DNAH17: variants seen among roughly 807,000 people sequenced by gnomAD.
DNAH17 encodes the protein dynein axonemal heavy chain 17, also known as axonemal beta dynein heavy chain 17.
Under a neutral mutation model 485.6 loss-of-function variants are expected in DNAH17, and 376 were observed. The ratio of observed to expected loss-of-function variants is 0.77; its 90% CI spans 0.71 to 0.84. DNAH17 has a LOEUF of 0.84. Among genes scored for constraint, DNAH17 ranks in the 40% least tolerant of loss-of-function variants. DNAH17 has a pLI of 0.00. For missense variants in DNAH17, 6,370 were observed against 5,839.3 expected, an observed-to-expected ratio of 1.09 and a Z score of -2.96; for synonymous variants, 3,031 against 2,405.9, an observed-to-expected ratio of 1.26 and a Z score of -7.60.
intron 48 of DNAH17, 88 bp from the exon 49 acceptor site, chr17:78,480,874 T>C: frequency 1.1e-6 from 1 of 883,554 alleles, no homozygotes; most frequent in Non-Finnish European, 1.8e-6. Flanking sequence ...ATGCCCTCCT[T>C]ATTATTATTT....
intron 19 of DNAH17, among the ~76,000 whole-genome samples, chr17:78,534,246 G>C (rs1422980958): frequency 2.0e-5 from 3 of 152,248 alleles, no homozygotes; most frequent in South Asian, 4.1e-4. Flanking sequence ...CAGCTGCAGA[G>C]AGGCCCCATC....
intron 9 of DNAH17, 80 bp downstream of exon 9, chr17:78,569,086 T>G: frequency 9.1e-7 from 1 of 1,094,810 alleles, no homozygotes; most frequent in South Asian, 1.4e-5. Context: ...GCAAGGGGGG[T>G]AGGGATGGAC....
chr17:78,570,357 C>T lies in DNAH17; in HGVS notation c.934G>A (p.Ala312Thr). Residue 312 changes from alanine (A) to threonine (T), a missense_variant, in exon 7 of 81, where the codon GCC (alanine) becomes ACC (threonine). Transcript: ENST00000389840. Reference protein sequence around the residue: ...ADFTMLPTFIAKVLDTICFIW... With the variant: ...ADFTMLPTFITKVLDTICFIW... Reference sequence around the variant, plus strand: ...AAGCAGATGGTGTCCAGCACCTTGGCAATGAAGGTGGGGAGCTGGGGGGAG... The same window carrying T: ...AAGCAGATGGTGTCCAGCACCTTGGTAATGAAGGTGGGGAGCTGGGGGGAG... 3 of 1,610,588 alleles carry T rather than the reference C, an allele frequency of 1.9e-6. No homozygotes were observed. Among genetic ancestry groups the T allele is most frequent in the Non-Finnish European group, 2.5e-6 (3 of 1,178,770 alleles).
chr17:78,528,469 C>T lies in DNAH17; in HGVS notation c.3507+1003G>A, dbSNP rs932810114. On this transcript the variant is annotated intron_variant, in intron 22 of 80. Transcript: ENST00000389840. ...CAGGGTTTTCCTGTGCTGCCCAGGC[C>T]GGGGCCCCTCCCTCTTGTCACCCCC... is the stretch of plus-strand genomic sequence containing the variant. Among the ~76,000 whole-genome samples the T allele has an allele frequency of 6.6e-5, 10 of 152,098 alleles. No homozygotes were observed. In the East Asian group the frequency reaches 1.2e-3, roughly 18 times the overall value.
At chr17:78,453,169 A>C (rs938582970) in intron 65 of DNAH17, among the ~76,000 whole-genome samples, 174 bp downstream of exon 65, 3 of 152,200 alleles carry the variant, frequency 2.0e-5, no homozygotes, top group Admixed American at 6.5e-5. Context: ...CCCTCTTTCC[A>C]GTCTTTCCTC....
intron 17 of DNAH17, among the ~76,000 whole-genome samples, chr17:78,542,850 G>A (rs1454850856): frequency 6.6e-6 from 1 of 152,242 alleles, no homozygotes; most frequent in African/African-American, 2.4e-5. Context: ...CCATGTTACT[G>A]TTCCCTACCC....
intron 56 of DNAH17, among the ~76,000 whole-genome samples, chr17:78,464,353 G>A (rs1436637506): frequency 1.3e-5 from 2 of 152,132 alleles, no homozygotes; most frequent in African/African-American, 2.4e-5. Flanking sequence ...TCCGCCTCCC[G>A]GGTTCAAGTG....
chr17:78,495,830 C>G (rs759887753), intron 38 of DNAH17, 45 bp downstream of exon 38: 4 of 1,586,868 alleles, frequency 2.5e-6, no homozygotes, highest in Non-Finnish European at 3.4e-6. Flanking sequence ...TTGCTGTGGC[C>G]GGCCTGGCTC....
At chr17:78,531,280 T>C (rs2091229383) in intron 20 of DNAH17, among the ~76,000 whole-genome samples, 1 of 152,132 alleles carries the variant, frequency 6.6e-6, no homozygotes, top group Admixed American at 6.5e-5. Flanking sequence ...TTGATCCTTT[T>C]GTCATTACAT....
chr17:78,469,411 G>C (rs1188283710), intron 54 of DNAH17, among the ~76,000 whole-genome samples: 1 of 152,212 alleles, frequency 6.6e-6, no homozygotes. Context: ...AAAGTGCTGG[G>C]ATTACAGGTG....
Position 78,492,855 on chromosome 17 carries a change from G to GTTTT in DNAH17, c.6409-94_6409-91dup, listed in dbSNP as rs570440887. 6.0e-5 allele frequency: 38 copies of GTTTT among 635,754 alleles called. 1 individual carries two copies. Among genetic ancestry groups the GTTTT allele is most frequent in the African/African-American group, 9.7e-5 (3 of 31,022 alleles). 39.4% of individuals were successfully genotyped at this position (635,754 alleles called of 1,614,324 possible). On this transcript the variant is annotated intron_variant, in intron 41 of 80. Coordinates refer to ENST00000389840, the MANE Select transcript of DNAH17 (RefSeq NM_173628.4). Reference sequence around the variant, plus strand: ...TCAGGACCATGGGTGGGCCTGGATGGTTTTTTTTTTTTTGAGATGGAGTTT... The same window carrying GTTTT: ...TCAGGACCATGGGTGGGCCTGGATGGTTTTTTTTTTTTTTTTTGAGATGGAGTTT...
rs1449011883 is a variant in DNAH17 at position 78,468,686 on chromosome 17, G to A, written c.8709C>T (p.Ser2903=). The change falls in exon 55 of 81, where the codon TCC becomes TCT. Residue 2903 remains serine (S), a synonymous_variant. Coordinates refer to ENST00000389840, the MANE Select transcript of DNAH17 (RefSeq NM_173628.4). ...IISSMRPQVK[S]LGMNDTRETC... ...TTTCCCGAGTGTCATTCATGCCAAG[G>A]GACTTGACTTGGGGTCGCATGGAGG... 5.6e-6 allele frequency: 9 copies of A among 1,613,884 alleles called. No homozygotes were observed. In the East Asian group the frequency reaches 6.7e-5, roughly 12 times the overall value.
intron 54 of DNAH17, among the ~76,000 whole-genome samples, chr17:78,469,227 C>T (rs553529778): frequency 1.3e-5 from 2 of 152,286 alleles, no homozygotes; most frequent in South Asian, 2.1e-4. Flanking sequence ...CTGCAAGCTC[C>T]ACCTCCCAGG....
chr17:78,432,488 C>A (rs2086710934), intron 75 of DNAH17, among the ~76,000 whole-genome samples: 1 of 152,262 alleles, frequency 6.6e-6, no homozygotes, highest in African/African-American at 2.4e-5. Flanking sequence ...GTTCTGCTCC[C>A]TGCTACTCCA....
chr17:78,446,680 G>C (rs1371796706), intron 69 of DNAH17, among the ~76,000 whole-genome samples: 9 of 152,128 alleles, frequency 5.9e-5, no homozygotes, highest in Non-Finnish European at 1.2e-4. Context: ...GTCTCACTCT[G>C]TCACCCAGGC....
intron 65 of DNAH17, 63 bp from the exon 66 acceptor site, chr17:78,451,736 T>A (rs2087563358): frequency 1.4e-6 from 2 of 1,425,854 alleles, no homozygotes; most frequent in Non-Finnish European, 1.9e-6. Flanking sequence ...GGAACACAAG[T>A]ACAGACCACC....
intron 56 of DNAH17, among the ~76,000 whole-genome samples, chr17:78,463,923 G>A (rs1258468948): frequency 1.3e-5 from 2 of 152,188 alleles, no homozygotes; most frequent in African/African-American, 4.8e-5. Context: ...GGAAGTCTCT[G>A]CCTTGGGAAC....
chr17:78,563,242 C>T (rs891431941), intron 11 of DNAH17, among the ~76,000 whole-genome samples: 5 of 152,154 alleles, frequency 3.3e-5, no homozygotes, highest in African/African-American at 1.2e-4. Context: ...ACCCTTGGAC[C>T]TATTTGTATT....
At position 78,466,821 on chromosome 17, in the gene DNAH17, G is replaced by A. The variant is rs1432043435; in HGVS notation, c.8779-5C>T. On this transcript the variant is annotated splice_polypyrimidine_tract_variant and splice_region_variant and intron_variant, in intron 55 of 80. Coordinates refer to ENST00000389840, the MANE Select transcript of DNAH17 (RefSeq NM_173628.4). ...AGGGGAGAAACACAGGATCACCTGG[G>A]TGTGGGAGACACAGATGCGCTGCCT... The A allele has an allele frequency of 1.9e-6, 3 of 1,574,818 alleles. No individual in the cohort carries two copies. Among genetic ancestry groups the A allele is most frequent in the African/African-American group, 1.4e-5 (1 of 73,490 alleles).
Sources: gnomAD v4.1 joint callset for allele counts (sites outside exome capture counted in the v4.1 genomes callset) on GRCh38, gnomAD v4.1.1 for gene constraint, MANE v1.5 for transcripts, NCBI Gene and HGNC (gene_info 2026-07-23, HGNC 2026-07-21) for gene names.